The following TLL1 variants were observed in gnomAD, a reference collection of about 807,000 sequenced individuals.
The protein encoded by TLL1 is tolloid like 1, also known as tolloid-like protein 1.
Under a neutral mutation model 128.2 loss-of-function variants are expected in TLL1, and 49 were observed. The observed-to-expected ratio is 0.38, with a 90% CI of 0.30 to 0.48. The LOEUF is 0.48. Ranked by LOEUF, TLL1 falls within the 20% of genes least tolerant of loss-of-function variation. The pLI is 0.96. For missense variants in TLL1, 1,123 were observed against 1,242.0 expected, an observed-to-expected ratio of 0.90 and a Z score of 1.44; for synonymous variants, 454 against 418.8, an observed-to-expected ratio of 1.08 and a Z score of -1.03.
At chr4:166,020,743 A>G (rs1738186744) in intron 8 of TLL1, among the ~76,000 whole-genome samples, 1 of 152,192 alleles carries the variant, frequency 6.6e-6, no homozygotes. Flanking sequence ...TATTGTCCCT[A>G]ATATTCTCTC....
At chr4:166,078,920 T>C (rs996937848) in intron 18 of TLL1, among the ~76,000 whole-genome samples, 3 of 152,156 alleles carry the variant, frequency 2.0e-5, no homozygotes, top group Admixed American at 2.0e-4. Context: ...TTGTTTTGAC[T>C]CTTCCCTTCA....
intron 1 of TLL1, among the ~76,000 whole-genome samples, chr4:165,876,568 C>A (rs1264064451): frequency 2.0e-5 from 3 of 152,192 alleles, no homozygotes; most frequent in Non-Finnish European, 4.4e-5. Flanking sequence ...CAATGACAAT[C>A]ATGGCTTCGT....
At chr4:165,987,381 T>G (rs1736435527) in intron 1 of TLL1, among the ~76,000 whole-genome samples, 1 of 152,138 alleles carries the variant, frequency 6.6e-6, no homozygotes, top group Non-Finnish European at 1.5e-5. Context: ...TGCGGGGGTC[T>G]GGCTTTAGGG....
intron 1 of TLL1, among the ~76,000 whole-genome samples, chr4:165,881,767 A>C (rs1730977674): frequency 6.6e-6 from 1 of 152,170 alleles, no homozygotes; most frequent in Admixed American, 6.5e-5. Flanking sequence ...TAGGGGAGAC[A>C]ATGCTGTATG....
chr4:165,986,218 T>G (rs1354968414), intron 1 of TLL1, among the ~76,000 whole-genome samples: 1 of 152,062 alleles, frequency 6.6e-6, no homozygotes, highest in East Asian at 1.9e-4. Context: ...AAGTGTCAGA[T>G]ATATATTAGA....
At chr4:165,945,444 T>C (rs1734203547) in intron 1 of TLL1, among the ~76,000 whole-genome samples, 1 of 152,052 alleles carries the variant, frequency 6.6e-6, no homozygotes, top group Non-Finnish European at 1.5e-5. Context: ...GAGAGAATGG[T>C]TGGTGATTCA....
At chr4:165,974,921 C>G (rs1293229694) in intron 1 of TLL1, among the ~76,000 whole-genome samples, 1 of 150,790 alleles carries the variant, frequency 6.6e-6, no homozygotes, top group Non-Finnish European at 1.5e-5. Context: ...CGGGAGTTCT[C>G]AGGGACAGTT....
At chr4:166,082,189 T>C (rs868587581) in intron 18 of TLL1, among the ~76,000 whole-genome samples, 2 of 152,116 alleles carry the variant, frequency 1.3e-5, no homozygotes, top group African/African-American at 2.4e-5. Context: ...CTGGAAGGCT[T>C]GTGAAAAGAC....
At chr4:165,960,950 A>G (rs143537609) in intron 1 of TLL1, among the ~76,000 whole-genome samples, 3 of 152,116 alleles carry the variant, frequency 2.0e-5, no homozygotes, top group African/African-American at 7.2e-5. Flanking sequence ...CTACTTGAAC[A>G]TGGTACTGGA....
chr4:165,980,147 C>A (rs574312436), intron 1 of TLL1, among the ~76,000 whole-genome samples: 1 of 151,034 alleles, frequency 6.6e-6, no homozygotes, highest in Non-Finnish European at 1.5e-5. Context: ...CATGGTTTTT[C>A]TTCACATGTT....
chr4:166,028,353 T>C (rs1470253754), intron 9 of TLL1, among the ~76,000 whole-genome samples: 2 of 152,080 alleles, frequency 1.3e-5, no homozygotes, highest in African/African-American at 4.8e-5. Context: ...CAATCATCCT[T>C]TTCCTATTTA....
At chr4:166,007,808 G>C (rs745655501) in intron 6 of TLL1, 135 bp from the exon 7 acceptor site, 8 of 688,528 alleles carry the variant, frequency 1.2e-5, no homozygotes, top group Non-Finnish European at 1.9e-5. Flanking sequence ...GCATGTGCCT[G>C]TGTGTTTTGT....
At chr4:166,097,804 C>T (rs531506943) in intron 19 of TLL1, among the ~76,000 whole-genome samples, 2 of 152,188 alleles carry the variant, frequency 1.3e-5, no homozygotes, top group South Asian at 2.1e-4. Flanking sequence ...TTTTGCTTCT[C>T]CAGATCTTAC....
At chr4:165,916,416 A>C (rs186894695) in intron 1 of TLL1, among the ~76,000 whole-genome samples, 202 of 152,322 alleles carry the variant, frequency 1.3e-3, no homozygotes, top group Non-Finnish European at 7.9e-4. Flanking sequence ...AAGACGAAAA[A>C]GTTACTGAAC....
chr4:165,976,517 G>A (rs945824237), intron 1 of TLL1, among the ~76,000 whole-genome samples: 1 of 152,050 alleles, frequency 6.6e-6, no homozygotes, highest in Non-Finnish European at 1.5e-5. Context: ...TTCTAATCAA[G>A]GTCTCATTGG....
chr4:166,096,210 GGTGTGTGTGTGTGTGTGTGTGT>G (rs60978680), intron 19 of TLL1, among the ~76,000 whole-genome samples: 2 of 145,480 alleles, frequency 1.4e-5, no homozygotes, highest in East Asian at 4.1e-4. Flanking sequence ...TTCTGTCATG[GGTGTGTGTGTGTGTGTGTGTGT>G]GTGTGTGTGT....
At chr4:165,927,379 G>C (rs1432192124) in intron 1 of TLL1, among the ~76,000 whole-genome samples, 3 of 152,144 alleles carry the variant, frequency 2.0e-5, no homozygotes, top group Non-Finnish European at 4.4e-5. Context: ...CTTGTTAAAT[G>C]TGTTTAAATT....
intron 1 of TLL1, among the ~76,000 whole-genome samples, chr4:165,885,108 G>T (rs1259513687): frequency 6.6e-6 from 1 of 152,056 alleles, no homozygotes. Context: ...GCTTTTTAAA[G>T]AATAACCGTA....
Position 165,974,297 on chromosome 4 carries a change from C to T in TLL1, c.170-15084C>T, listed in dbSNP as rs1297495009. The stretch of plus-strand genomic sequence containing the variant: ...CTGGGACTACAGGCGCCCGCCACTA[C>T]GCCCGGCTAATTTTTTGTATTTTTC... On this transcript the variant is annotated intron_variant, in intron 1 of 20. Coordinates refer to ENST00000061240, the MANE Select transcript of TLL1 (RefSeq NM_012464.5). Among the ~76,000 whole-genome samples, 11 of 142,804 alleles carry T rather than the reference C, an allele frequency of 7.7e-5. 1 individual carries two copies. Among genetic ancestry groups the T allele is most frequent in the African/African-American group, 3.0e-4 (10 of 33,274 alleles). 93.7% of individuals were successfully genotyped at this position (142,804 alleles called of 152,430 possible).
Sources: allele counts gnomAD v4.1 joint callset (sites outside exome capture counted in the v4.1 genomes callset), GRCh38; gene constraint gnomAD v4.1.1; transcripts MANE v1.5; gene names NCBI Gene and HGNC (gene_info 2026-07-23, HGNC 2026-07-21).